Variants in CASZ1 observed in about 807,000 individuals in gnomAD.
The protein encoded by CASZ1 is castor zinc finger 1.
A neutral mutation model predicts 135.2 loss-of-function variants in CASZ1; 28 were observed. The observed-to-expected ratio is 0.21, with a 90% CI of 0.15 to 0.28. The LOEUF is 0.28. Ranked by LOEUF, CASZ1 falls within the 10% of genes least tolerant of loss-of-function variation. CASZ1 has a pLI of 1.00. For missense variants in CASZ1, 2,161 were observed against 2,453.3 expected (o/e 0.88, Z 2.52); for synonymous variants, 1,068 against 1,073.4 (o/e 0.99, Z 0.10).
chr1:10,663,752 G>A (rs1049080212), intron 5 of CASZ1, among the ~76,000 whole-genome samples: 4 of 152,230 alleles, frequency 2.6e-5, no homozygotes, highest in Non-Finnish European at 5.9e-5. Context: ...GTCCTCCAGC[G>A]CTCAGCGCTG....
rs1415303533 is a variant in CASZ1 at position 10,760,681 on chromosome 1, T to G, written c.-77+20A>C. Reference sequence around the variant, plus strand: ...CACCCCACACTTCCTAGTGGCATCTTGGGAACCGGAAGCATCTACCTTTGC... The same window carrying G: ...CACCCCACACTTCCTAGTGGCATCTGGGGAACCGGAAGCATCTACCTTTGC... On this transcript the variant is annotated intron_variant, in intron 2 of 20. Transcript: ENST00000377022. 4 of 152,282 alleles carry G rather than the reference T, an allele frequency of 2.6e-5. No individual in the cohort carries two copies. Among genetic ancestry groups the G allele is most frequent in the Non-Finnish European group, 5.9e-5 (4 of 68,104 alleles). The allele number at this position is 152,282 out of a possible 1,614,324, so 9.4% of individuals were successfully genotyped here.
In CASZ1 at chr1:10,654,132, T is replaced by A; in HGVS notation, c.1925A>T (p.Lys642Met). 6.2e-7 allele frequency: 1 copy of A among 1,614,226 alleles called. No individual in the cohort carries two copies. The highest frequency in any genetic ancestry group is 8.5e-7 in the Non-Finnish European group (1 of 1,180,032). Residue 642 changes from lysine (K) to methionine (M), a missense_variant, in exon 11 of 21, where the codon AAG becomes ATG. This residue lies in a region of CASZ1 where 248 missense variants were observed against 410.8 expected (regional missense o/e 0.60). Transcript: ENST00000377022. Reference sequence around the variant, plus strand: ...CTTGTAGAACTTCTTGAAGCCGTCCTTGGCGTAGGCATCGTCCTTGATGTG... The same window carrying A: ...CTTGTAGAACTTCTTGAAGCCGTCCATGGCGTAGGCATCGTCCTTGATGTG... ...SYHIKDDAYA[K>M]DGFKKFYKYE...
chr1:10,658,266 C>G, intron 7 of CASZ1: 1 of 520,980 alleles, frequency 1.9e-6, no homozygotes, highest in South Asian at 2.4e-5. Flanking sequence ...GGACCCCGGC[C>G]CTAACTGGGG....
intron 8 of CASZ1, among the ~76,000 whole-genome samples, chr1:10,656,166 C>T (rs1570423402): frequency 6.6e-6 from 1 of 152,184 alleles, no homozygotes; most frequent in East Asian, 1.9e-4. Context: ...GCTGGGATCC[C>T]TGGCAAGCCA....
rs745698613 is a variant in CASZ1 at position 10,660,363 on chromosome 1, C to G, written c.679G>C (p.Glu227Gln). Reference sequence around the variant, plus strand: ...CGCGCCCGCTTGCTGAGGGTATCCTCGGAGGTGGGCAGCATGGAGGAGGTG... The same window carrying G: ...CGCGCCCGCTTGCTGAGGGTATCCTGGGAGGTGGGCAGCATGGAGGAGGTG... ...AATSSMLPTS[E>Q]DTLSKRARFS... Residue 227 changes from glutamate (E) to glutamine (Q), a missense_variant, in exon 6 of 21, where the codon GAG (glutamate) becomes CAG (glutamine). Physicochemically the swap from Glu to Gln is conservative, Grantham distance 29. This residue lies in a region of CASZ1 where 590 missense variants were observed against 609.8 expected (regional missense o/e 0.97). Coordinates refer to ENST00000377022, the MANE Select transcript of CASZ1 (RefSeq NM_001079843.3). The G allele has an allele frequency of 6.2e-7, 1 of 1,614,138 alleles. No homozygotes were observed. Among genetic ancestry groups the G allele is most frequent in the African/African-American group, 1.3e-5 (1 of 75,066 alleles).
rs559431673 is a variant in CASZ1 at position 10,709,848 on chromosome 1, G to T, written c.-76-4304C>A. Among the ~76,000 whole-genome samples, 6 of 152,302 alleles carry T rather than the reference G, an allele frequency of 3.9e-5. No homozygotes were observed. The South Asian group carries it at 1.2e-3, about 32-fold the overall frequency. On this transcript the variant is annotated intron_variant, in intron 2 of 20. Coordinates refer to ENST00000377022, the MANE Select transcript of CASZ1 (RefSeq NM_001079843.3). The surrounding 1 kb of genome is among the most constrained non-coding windows in gnomAD (Gnocchi z 5.1). ...ACACAGCAGTTAGCAGGACAATGAGGGGGCCGGCGGCCCGCACAGGCCAGC... is the reference window on the plus strand; with the variant it reads ...ACACAGCAGTTAGCAGGACAATGAGTGGGCCGGCGGCCCGCACAGGCCAGC...
Position 10,656,749 on chromosome 1 carries a change from G to C in CASZ1, c.1410-13C>G. ...GCTGCCCGAGAACCTGGAGGGAGGA[G>C]GGGTGGGGTCAGGGCCCTGCTGTGG... On this transcript the variant is annotated splice_polypyrimidine_tract_variant and intron_variant, in intron 7 of 20. Coordinates refer to ENST00000377022, the MANE Select transcript of CASZ1 (RefSeq NM_001079843.3). The C allele has an allele frequency of 6.4e-7, 1 of 1,564,936 alleles. No individual in the cohort carries two copies. Among genetic ancestry groups the C allele is most frequent in the Non-Finnish European group, 8.7e-7 (1 of 1,150,396 alleles).
intron 5 of CASZ1, among the ~76,000 whole-genome samples, chr1:10,664,504 G>A (rs974595848): frequency 6.6e-6 from 1 of 152,180 alleles, no homozygotes. Flanking sequence ...GGCCGGGCTG[G>A]CAATCCATGT....
rs1260934284 is a variant in CASZ1, at chr1:10,665,636, G to T, written c.17-65C>A. The T allele has an allele frequency of 2.8e-6, 4 of 1,452,578 alleles. No individual in the cohort carries two copies. The African/African-American group carries it at 4.2e-5, about 15-fold the overall frequency. The allele number at this position is 1,452,578 out of a possible 1,614,324, so 90.0% of individuals were successfully genotyped here. On this transcript the variant is annotated intron_variant, in intron 4 of 20. Coordinates refer to ENST00000377022, the MANE Select transcript of CASZ1 (RefSeq NM_001079843.3). Reference sequence around the variant, plus strand: ...AAGGCCAAGAACAACCCACCCTCCCGAACAGCCCTGCATCCCCCAAGCTGC... The same window carrying T: ...AAGGCCAAGAACAACCCACCCTCCCTAACAGCCCTGCATCCCCCAAGCTGC...
rs200729371 is a variant in CASZ1, at chr1:10,642,849, T to A, written c.4162+10A>T. Reference sequence around the variant, plus strand: ...CCTGGCCCTGCCAGCAGCCCCTGCCTGCCGCTCACCTGCCGCGGTGCTCTC... The same window carrying A: ...CCTGGCCCTGCCAGCAGCCCCTGCCAGCCGCTCACCTGCCGCGGTGCTCTC... On this transcript the variant is annotated intron_variant, in intron 20 of 20. Coordinates refer to ENST00000377022, the MANE Select transcript of CASZ1 (RefSeq NM_001079843.3). 285 of 1,611,064 alleles carry A rather than the reference T, an allele frequency of 1.8e-4. No homozygotes were observed. Among genetic ancestry groups the A allele is most frequent in the Middle Eastern group, 5.0e-4 (3 of 6,020 alleles).
At chr1:10,713,378 T>C (rs1639322031) in intron 2 of CASZ1, among the ~76,000 whole-genome samples, 2 of 152,242 alleles carry the variant, frequency 1.3e-5, no homozygotes, top group Admixed American at 1.3e-4. Flanking sequence ...AATAAATAAT[T>C]TGTAGGTCCT....
chr1:10,779,583 A>G (rs193157730), intron 1 of CASZ1, among the ~76,000 whole-genome samples: 232 of 152,320 alleles, frequency 1.5e-3, no homozygotes, highest in Middle Eastern at 3.4e-3. Context: ...ATGTTGTGAA[A>G]TAAAAAACAA....
chr1:10,721,293 A>G lies in CASZ1; in HGVS notation c.-76-15749T>C, dbSNP rs979819762. On this transcript the variant is annotated intron_variant, in intron 2 of 20. Coordinates refer to ENST00000377022, the MANE Select transcript of CASZ1 (RefSeq NM_001079843.3). The surrounding 1 kb of genome is among the most constrained non-coding windows in gnomAD (Gnocchi z 5.4). ...CCTCCCCCACCCCCTGATCTTAGGG[A>G]AAAAAAAACCCATCAAAATAACTAT... 9.3e-5 allele frequency among the ~76,000 whole-genome samples: 14 copies of G among 150,580 alleles called. No individual in the cohort carries two copies. Among genetic ancestry groups the G allele is most frequent in the South Asian group, 4.2e-4 (2 of 4,746 alleles).
chr1:10,693,940 C>T, intron 3 of CASZ1, 28 bp from the exon 4 acceptor site: 1 of 1,608,710 alleles, frequency 6.2e-7, no homozygotes, highest in Non-Finnish European at 8.5e-7. Context: ...AGGGGAAGAC[C>T]GGGAGAGAAG....
At chr1:10,662,998 G>A (rs1029209551) in intron 5 of CASZ1, among the ~76,000 whole-genome samples, 1 of 152,212 alleles carries the variant, frequency 6.6e-6, no homozygotes, top group Non-Finnish European at 1.5e-5. Context: ...TTCACTGCCC[G>A]TGTGCTACAT....
Position 10,755,547 on chromosome 1 carries a change from G to A in CASZ1, c.-77+5154C>T, listed in dbSNP as rs543216772. Among the ~76,000 whole-genome samples, 32 of 152,186 alleles carry A rather than the reference G, an allele frequency of 2.1e-4. No homozygotes were observed. The Middle Eastern group carries it at 0.014, about 65-fold the overall frequency. On this transcript the variant is annotated intron_variant, in intron 2 of 20. Coordinates refer to ENST00000377022, the MANE Select transcript of CASZ1 (RefSeq NM_001079843.3). The surrounding 1 kb of genome is among the most constrained non-coding windows in gnomAD (Gnocchi z 4.3). ...CCGAGAAGTCCCCCGAGTAGCTCCA[G>A]ACAGGGCAGGTGCCCCCAGCCCTTC...
rs1413386923 is a variant in CASZ1 at position 10,756,662 on chromosome 1, G to T, written c.-77+4039C>A. Among the ~76,000 whole-genome samples, 1 of 152,190 alleles carries T rather than the reference G, an allele frequency of 6.6e-6. No individual in the cohort carries two copies. Among genetic ancestry groups the T allele is most frequent in the Non-Finnish European group, 1.5e-5 (1 of 68,038 alleles). On this transcript the variant is annotated intron_variant, in intron 2 of 20. Coordinates refer to ENST00000377022, the MANE Select transcript of CASZ1 (RefSeq NM_001079843.3). The surrounding 1 kb of genome is among the most constrained non-coding windows in gnomAD (Gnocchi z 5.9). ...TGGAGCCTCATGTCAGAGGCACTGG[G>T]AAAAGGGAGACTGGCCTTCAGGCGA...
chr1:10,653,686 A>T lies in CASZ1; in HGVS notation c.2371T>A (p.Ser791Thr). 6.4e-7 allele frequency: 1 copy of T among 1,567,278 alleles called. No homozygotes were observed. Among genetic ancestry groups the T allele is most frequent in the Middle Eastern group, 1.7e-4 (1 of 5,832 alleles). ...GTGGGGGTGGGCAGGCCCGAGTTGG[A>T]GAGGGCCAGGGCCAGGGGGATTGAG... ...PGSIPLALAL[S>T]NSGLPTPTPY... Residue 791 changes from serine (S) to threonine (T), a missense_variant, in exon 11 of 21, where the codon TCC becomes ACC. Physicochemically the swap from Ser to Thr is moderately conservative, Grantham distance 58. This residue lies in a region of CASZ1 where 406 missense variants were observed against 387.6 expected (regional missense o/e 1.05). Coordinates refer to ENST00000377022, the MANE Select transcript of CASZ1 (RefSeq NM_001079843.3).
In CASZ1 at chr1:10,727,075, G is replaced by C. The variant is rs933913830; in HGVS notation, c.-76-21531C>G. Among the ~76,000 whole-genome samples the C allele has an allele frequency of 7.2e-5, 11 of 152,144 alleles. No individual in the cohort carries two copies. The highest frequency in any genetic ancestry group is 2.7e-4 in the African/African-American group (11 of 41,418). On this transcript the variant is annotated intron_variant, in intron 2 of 20. Coordinates refer to ENST00000377022, the MANE Select transcript of CASZ1 (RefSeq NM_001079843.3). This position sits in a 1 kb window ranked among gnomAD's most constrained non-coding sequence, Gnocchi z 5.3. ...GCCTGTGAGTGAGGAGGACTGAAAC[G>C]AAGGCAGAGGGGGAGCCATGGGCGC...
Sources: allele counts gnomAD v4.1 joint callset (sites outside exome capture counted in the v4.1 genomes callset), GRCh38; gene constraint gnomAD v4.1.1; regional missense constraint gnomAD v4.1.1; non-coding constraint Gnocchi (gnomAD v3.1); transcripts MANE v1.5; gene names NCBI Gene and HGNC (gene_info 2026-07-23, HGNC 2026-07-21).